Variants in ACER3 observed in about 807,000 individuals in gnomAD.
ACER3 encodes alkCDase 3.
ACER3 carries 16 observed loss-of-function variants against 48.9 expected under a neutral mutation model. The observed-to-expected ratio is 0.33, with a 90% CI of 0.22 to 0.50. The LOEUF (loss-of-function observed/expected upper bound fraction) is 0.50, where lower values mean the gene tolerates loss of function less well. Ranked by LOEUF, ACER3 falls within the 20% of genes least tolerant of loss-of-function variation. ACER3 has a pLI of 0.98. For missense variants in ACER3, 227 were observed against 326.0 expected (o/e 0.70, Z 2.34); for synonymous variants, 109 against 107.8 (o/e 1.01, Z -0.07).
intron 2 of ACER3, among the ~76,000 whole-genome samples, chr11:76,947,042 C>A (rs1947494831): frequency 6.6e-6 from 1 of 152,328 alleles, no homozygotes; most frequent in East Asian, 1.9e-4. Flanking sequence ...TCTCTTTATT[C>A]ACTTTTGGTG....
chr11:76,962,129 A>C (rs1158180905), intron 3 of ACER3, among the ~76,000 whole-genome samples: 1 of 150,736 alleles, frequency 6.6e-6, no homozygotes, highest in African/African-American at 2.5e-5. Context: ...GGCTCACGGC[A>C]ACCTCTGCCT....
At chr11:76,959,303 G>A (rs1947924136) in intron 3 of ACER3, 1 of 1,097,800 alleles carries the variant, frequency 9.1e-7, no homozygotes, top group Non-Finnish European at 1.2e-6. Context: ...GAGTCACATG[G>A]GGACATCTTA....
Position 77,019,776 on chromosome 11 carries a change from G to A in ACER3, c.750G>A (p.Lys250=). The A allele has an allele frequency of 1.2e-6, 2 of 1,613,682 alleles. No homozygotes were observed. The highest frequency in any genetic ancestry group is 1.7e-6 in the Non-Finnish European group (2 of 1,179,628). The change falls in exon 10 of 11, where the codon AAG becomes AAA. Residue 250 remains lysine (K), a splice_region_variant and synonymous_variant. Transcript: ENST00000532485. ...ACCTGAGATATAGGCCAAAAGTGAA[G>A]GTAAGTCCACTTCCTAGGTCCTGTG... The part of the protein sequence containing the change: ...TLYLRYRPKV[K]FLFGIWPVIL...
intron 3 of ACER3, among the ~76,000 whole-genome samples, chr11:76,969,124 G>T (rs1490785663): frequency 6.6e-6 from 1 of 151,756 alleles, no homozygotes. Flanking sequence ...CCATCAAAAA[G>T]TGGGCAAAGG....
chr11:76,963,164 C>T (rs979822092), intron 3 of ACER3, among the ~76,000 whole-genome samples: 1 of 151,250 alleles, frequency 6.6e-6, no homozygotes, highest in Non-Finnish European at 1.5e-5. Context: ...AGTTTCCTCC[C>T]CTTTTCAGAC....
At chr11:76,976,829 T>C (rs1405554222) in intron 4 of ACER3, among the ~76,000 whole-genome samples, 1 of 152,212 alleles carries the variant, frequency 6.6e-6, no homozygotes, top group Non-Finnish European at 1.5e-5. Context: ...CTCTCAAGAA[T>C]ATACTTATTT....
In ACER3 at chr11:77,019,741, AG is replaced by A. The variant is rs1565231760; in HGVS notation, c.716del (p.Arg239LysfsTer5). On this transcript the variant is annotated frameshift_variant, in exon 10 of 11. Transcript: ENST00000532485. LOFTEE classifies it high-confidence loss of function. Reference sequence around the variant, plus strand: ...CCACTTTTCTTTCAGTTTGTATACAAGAACACTTTACCTGAGATATAGGCCA... The same window carrying A: ...CCACTTTTCTTTCAGTTTGTATACAAAACACTTTACCTGAGATATAGGCCA... ...YLHILFSLYT[R>X]TLYLRYRPKV... is the part of the protein sequence containing the mutation. 1 of 1,614,088 alleles carries A rather than the reference AG, an allele frequency of 6.2e-7. No homozygotes were observed. The highest frequency in any genetic ancestry group is 1.7e-5 in the Admixed American group (1 of 60,012).
chr11:76,943,296 A>C (rs1380707233), intron 2 of ACER3, among the ~76,000 whole-genome samples: 1 of 152,020 alleles, frequency 6.6e-6, no homozygotes, highest in Non-Finnish European at 1.5e-5. Context: ...GTAGGGATTT[A>C]ATGCTATCAA....
rs754019271 is a variant in ACER3, at chr11:76,926,595, A to G, written c.142A>G (p.Met48Val). 3.1e-5 allele frequency: 50 copies of G among 1,609,246 alleles called. No homozygotes were observed. The highest frequency in any genetic ancestry group is 4.2e-5 in the Non-Finnish European group (49 of 1,175,934). The change falls in exon 2 of 11, where the codon ATG becomes GTG. Residue 48 changes from methionine (M) to valine (V), a missense_variant. Coordinates refer to ENST00000532485, the MANE Select transcript of ACER3 (RefSeq NM_018367.7). The part of the protein sequence containing the change: ...VSNLIMIIPP[M>V]FGAVQSVRDG... ...TAACCTGATCATGATTATACCTCCA[A>G]TGTTCGGTGCAGTTCAGAGTGTTAG...
intron 1 of ACER3, among the ~76,000 whole-genome samples, chr11:76,898,074 A>T (rs1230912796): frequency 6.6e-6 from 1 of 152,074 alleles, no homozygotes; most frequent in Non-Finnish European, 1.5e-5. Flanking sequence ...ATGGTGGTGG[A>T]GAAGAATACA....
chr11:77,016,558 A>C, intron 8 of ACER3, 117 bp from the exon 9 acceptor site: 1 of 527,264 alleles, frequency 1.9e-6, no homozygotes, highest in Admixed American at 3.5e-5. Context: ...CAGGAAACTT[A>C]AGGCAATTAA....
In ACER3 at chr11:76,979,567, C is replaced by T. The variant is rs149278712; in HGVS notation, c.320+3226C>T. Among the ~76,000 whole-genome samples the T allele has an allele frequency of 7.9e-5, 12 of 152,196 alleles. No homozygotes were observed. The East Asian group carries it at 1.9e-3, about 25-fold the overall frequency. ...ACTCGAGAGGCTAAGGTGGGAGAAT[C>T]GCTTGAACCCAGGAGGCAGAAGCTG... On this transcript the variant is annotated intron_variant, in intron 4 of 10. Coordinates refer to ENST00000532485, the MANE Select transcript of ACER3 (RefSeq NM_018367.7).
At chr11:76,886,932 C>T (rs888166349) in intron 1 of ACER3, among the ~76,000 whole-genome samples, 8 of 152,196 alleles carry the variant, frequency 5.3e-5, no homozygotes, top group African/African-American at 1.9e-4. Context: ...CCCGCCTTGG[C>T]CTCCCAAAGT....
intron 2 of ACER3, 152 bp downstream of exon 2, chr11:76,926,819 G>C: frequency 1.9e-6 from 1 of 514,960 alleles, no homozygotes; most frequent in Admixed American, 3.8e-5. Flanking sequence ...CCTTGCCAGT[G>C]AATTGAACTG....
intron 1 of ACER3, among the ~76,000 whole-genome samples, chr11:76,875,616 T>C (rs1489999459): frequency 6.6e-6 from 1 of 152,068 alleles, no homozygotes; most frequent in Non-Finnish European, 1.5e-5. Context: ...CGAAGTAAAC[T>C]GCAGACATCT....
chr11:76,878,590 C>T (rs562557703), intron 1 of ACER3, among the ~76,000 whole-genome samples: 3 of 152,042 alleles, frequency 2.0e-5, no homozygotes, highest in Admixed American at 2.0e-4. Context: ...TTGACAGATA[C>T]CTGGGCTGTT....
intron 1 of ACER3, among the ~76,000 whole-genome samples, chr11:76,873,588 A>T (rs893425880): frequency 6.6e-6 from 1 of 152,216 alleles, no homozygotes; most frequent in African/African-American, 2.4e-5. Flanking sequence ...GCTTAAATGA[A>T]ATCACCTTTT....
At chr11:76,916,120 T>C (rs1946522270) in intron 1 of ACER3, among the ~76,000 whole-genome samples, 1 of 152,250 alleles carries the variant, frequency 6.6e-6, no homozygotes, top group Non-Finnish European at 1.5e-5. Context: ...TTTTGACTGA[T>C]GCATTTTAAT....
chr11:76,970,880 C>G (rs1228132833), intron 3 of ACER3, among the ~76,000 whole-genome samples: 1 of 152,162 alleles, frequency 6.6e-6, no homozygotes, highest in African/African-American at 2.4e-5. Context: ...CAACCACTCC[C>G]TATTACTCCC....
Sources: gnomAD v4.1 joint callset for allele counts (sites outside exome capture counted in the v4.1 genomes callset) on GRCh38, gnomAD v4.1.1 for gene constraint, MANE v1.5 for transcripts, NCBI Gene and HGNC (gene_info 2026-07-23, HGNC 2026-07-21) for gene names.